Variants in SPIRE1 observed in about 807,000 individuals in gnomAD.
The protein encoded by SPIRE1 is spire type actin nucleation factor 1.
A neutral mutation model predicts 94.1 loss-of-function variants in SPIRE1; 40 were observed. That is an observed-to-expected ratio of 0.43 (90% CI 0.33 to 0.55). The LOEUF (loss-of-function observed/expected upper bound fraction) is 0.55. SPIRE1 is among the 20% of genes least tolerant of loss of function. The probability of loss-of-function intolerance (pLI) is 0.06; values close to 1 mark genes in which losing one functional copy is unlikely to be tolerated. For synonymous variants in SPIRE1, 376 were observed against 371.7 expected (o/e 1.01, Z -0.13); for missense variants, 838 against 975.2 (o/e 0.86, Z 1.87).
intron 12 of SPIRE1, 83 bp from the exon 13 acceptor site, chr18:12,454,566 G>T: frequency 1.6e-6 from 2 of 1,281,612 alleles, no homozygotes; most frequent in Non-Finnish European, 2.3e-6. Flanking sequence ...TCAGACCCCT[G>T]ATTAGTAGCT....
intron 2 of SPIRE1, among the ~76,000 whole-genome samples, chr18:12,576,181 C>T (rs573576138): frequency 1.8e-4 from 27 of 150,298 alleles, no homozygotes; most frequent in Non-Finnish European, 3.7e-4. Context: ...CCAGCCTGGG[C>T]GATATAGTGA....
chr18:12,570,892 A>G (rs1436631062), intron 2 of SPIRE1, among the ~76,000 whole-genome samples: 1 of 152,178 alleles, frequency 6.6e-6, no homozygotes, highest in African/African-American at 2.4e-5. Flanking sequence ...ATTTCTGGTA[A>G]GCTCATTAAA....
chr18:12,608,528 T>C (rs2037051703), intron 2 of SPIRE1, among the ~76,000 whole-genome samples: 1 of 152,206 alleles, frequency 6.6e-6, no homozygotes, highest in Non-Finnish European at 1.5e-5. Flanking sequence ...CACATATTCT[T>C]AGTTATTTTC....
At chr18:12,624,237 TAAA>T (rs71174110) in intron 2 of SPIRE1, among the ~76,000 whole-genome samples, 57,833 of 146,432 alleles carry the variant, frequency 0.39, 11,845 homozygotes, top group East Asian at 0.6. Context: ...GGCAAATTAT[TAAA>T]AAAAAAAAAA....
At chr18:12,491,255 G>C (rs2033223160) in intron 8 of SPIRE1, among the ~76,000 whole-genome samples, 1 of 149,956 alleles carries the variant, frequency 6.7e-6, no homozygotes, top group Non-Finnish European at 1.5e-5. Context: ...GAATCCCCAA[G>C]AAAATCCTAA....
chr18:12,623,098 A>C (rs1202495600), intron 2 of SPIRE1, among the ~76,000 whole-genome samples: 2 of 127,046 alleles, frequency 1.6e-5, no homozygotes, highest in Non-Finnish European at 3.6e-5. Flanking sequence ...GCAGTAGGGT[A>C]TGAAGTGATT....
chr18:12,610,103 A>G (rs2037096971), intron 2 of SPIRE1, among the ~76,000 whole-genome samples: 1 of 151,450 alleles, frequency 6.6e-6, no homozygotes, highest in Non-Finnish European at 1.5e-5. Flanking sequence ...CAACTACCAT[A>G]TACCAACTGT....
chr18:12,617,317 C>T (rs111622062), intron 2 of SPIRE1, among the ~76,000 whole-genome samples: 26,429 of 151,712 alleles, frequency 0.17, 2,390 homozygotes, highest in Admixed American at 0.25. Flanking sequence ...TGGGTTCAAG[C>T]GATTCTCCTG....
rs971705790 is a variant in SPIRE1 at position 12,574,018 on chromosome 18, C to T, written c.373-27114G>A. Among the ~76,000 whole-genome samples, 10 of 152,162 alleles carry T rather than the reference C, an allele frequency of 6.6e-5. No homozygotes were observed. The East Asian group carries it at 1.3e-3, about 20-fold the overall frequency. On this transcript the variant is annotated intron_variant, in intron 2 of 16. Transcript: ENST00000409402. ...TCTCCCAAAGTGCTAAGATTACAGGCGTGAGCCACCGCTCCCGGCCGACTT... is the reference window on the plus strand; with the variant it reads ...TCTCCCAAAGTGCTAAGATTACAGGTGTGAGCCACCGCTCCCGGCCGACTT...
In SPIRE1 at chr18:12,449,785, G is replaced by A. The variant is rs1329702465; in HGVS notation, c.2124C>T (p.Phe708=). The change falls in exon 17 of 17, where the codon TTC becomes TTT. Residue 708 remains phenylalanine, a synonymous_variant. Transcript: ENST00000409402. ...GGCTTGAACTGATGATTTCCGAAAT[G>A]AACTTCTTGCAGTCCACACACACCT... ...TMEVCVDCKK[F]ISEIISSSRR... is the part of the protein sequence containing the mutation. 6.2e-7 allele frequency: 1 copy of A among 1,613,984 alleles called. No homozygotes were observed. The highest frequency in any genetic ancestry group is 8.5e-7 in the Non-Finnish European group (1 of 1,180,028).
At chr18:12,655,642 A>G (rs780644425) in intron 1 of SPIRE1, among the ~76,000 whole-genome samples, 3 of 152,220 alleles carry the variant, frequency 2.0e-5, no homozygotes, top group Non-Finnish European at 4.4e-5. Context: ...TCAACATGTT[A>G]TCACTCACAC....
rs578261669 is a variant in SPIRE1, at chr18:12,533,413, A to T, written c.729+2063T>A. ...GCAAAATTTTAATCAAGAGCAAAAA[A>T]TTTTTTTTTACATCAGATGAGTAAT... On this transcript the variant is annotated intron_variant, in intron 4 of 16. Transcript: ENST00000409402. Among the ~76,000 whole-genome samples, 20 of 151,956 alleles carry T rather than the reference A, an allele frequency of 1.3e-4. 1 individual carries two copies. In the East Asian group the frequency reaches 2.1e-3, roughly 16 times the overall value.
At chr18:12,572,763 C>CAAAA (rs2035989681) in intron 2 of SPIRE1, among the ~76,000 whole-genome samples, 2 of 152,022 alleles carry the variant, frequency 1.3e-5, no homozygotes, top group South Asian at 4.2e-4. Context: ...CACAAAGGAG[C>CAAAA]AAAAGCAATA....
rs539969896 is a variant in SPIRE1 at position 12,508,077 on chromosome 18, C to T, written c.808-1436G>A. On this transcript the variant is annotated intron_variant, in intron 5 of 16. Coordinates refer to ENST00000409402, the MANE Select transcript of SPIRE1 (RefSeq NM_001128626.2). ...AGGAGAATCGCTTGAACCTGGGAGG[C>T]GGAGGTTGCAGTGAGCCGAGATAGT... Among the ~76,000 whole-genome samples, 5 of 151,558 alleles carry T rather than the reference C, an allele frequency of 3.3e-5. No individual in the cohort carries two copies. In the East Asian group the frequency reaches 5.9e-4, roughly 18 times the overall value.
chr18:12,555,573 T>C (rs111451758), intron 2 of SPIRE1, among the ~76,000 whole-genome samples: 6 of 152,308 alleles, frequency 3.9e-5, no homozygotes, highest in African/African-American at 1.4e-4. Flanking sequence ...AAAAACCATA[T>C]GATTATTCCA....
At position 12,478,187 on chromosome 18, in the gene SPIRE1, C is replaced by T. The variant is rs189897959; in HGVS notation, c.1404+1512G>A. 6.2e-3 allele frequency among the ~76,000 whole-genome samples: 946 copies of T among 151,888 alleles called. 9 individuals are homozygous for T. Among genetic ancestry groups the T allele is most frequent in the Middle Eastern group, 0.017 (5 of 292 alleles). ...TAAAGAATAATTCCTCAGATTCTAC[C>T]TTGGATGGAGCCAGCAACTAGGATA... On this transcript the variant is annotated intron_variant, in intron 10 of 16. Coordinates refer to ENST00000409402, the MANE Select transcript of SPIRE1 (RefSeq NM_001128626.2).
chr18:12,551,703 GAA>G (rs879826405), intron 2 of SPIRE1, among the ~76,000 whole-genome samples: 1 of 140,586 alleles, frequency 7.1e-6, no homozygotes. Context: ...CTCCGTCTCA[GAA>G]AAAAAAAAAA....
intron 2 of SPIRE1, among the ~76,000 whole-genome samples, chr18:12,603,667 T>C (rs1003110573): frequency 1.3e-5 from 2 of 151,214 alleles, no homozygotes; most frequent in African/African-American, 4.9e-5. Flanking sequence ...CTCCGCCTCC[T>C]GGGTTCAAGC....
At chr18:12,529,039 G>T (rs1448085209) in intron 4 of SPIRE1, among the ~76,000 whole-genome samples, 2 of 152,130 alleles carry the variant, frequency 1.3e-5, no homozygotes, top group Non-Finnish European at 2.9e-5. Flanking sequence ...GACCATGATG[G>T]CTGCTAAAAG....
Sources: allele counts gnomAD v4.1 joint callset (sites outside exome capture counted in the v4.1 genomes callset), GRCh38; gene constraint gnomAD v4.1.1; transcripts MANE v1.5; gene names NCBI Gene and HGNC (gene_info 2026-07-23, HGNC 2026-07-21).